FAM135A: variants seen among roughly 807,000 people sequenced by gnomAD.
FAM135A encodes the protein family with sequence similarity 135 member A.
FAM135A carries 79 observed loss-of-function variants against 146.8 expected under a neutral mutation model. The ratio of observed to expected loss-of-function variants is 0.54; its 90% CI spans 0.45 to 0.65. The LOEUF (loss-of-function observed/expected upper bound fraction) is 0.65, where lower values mean the gene tolerates loss of function less well. Among genes scored for constraint, FAM135A ranks in the 30% least tolerant of loss-of-function variants. FAM135A has a pLI of 0.00. For missense variants in FAM135A, 1,623 were observed against 1,758.2 expected (o/e 0.92, Z 1.38); for synonymous variants, 562 against 603.6 (o/e 0.93, Z 1.01).
At chr6:70,556,918 A>G (rs1269837334) in intron 21 of FAM135A, 55 bp downstream of exon 21, 3 of 1,434,522 alleles carry the variant, frequency 2.1e-6, no homozygotes, top group Non-Finnish European at 2.9e-6. Flanking sequence ...CTCTTTCCAA[A>G]ATTTTTCTTG....
chr6:70,474,223 T>C (rs1339474305), intron 5 of FAM135A, among the ~76,000 whole-genome samples: 1 of 152,196 alleles, frequency 6.6e-6, no homozygotes, highest in Non-Finnish European at 1.5e-5. Flanking sequence ...GAGTCTTATA[T>C]CCCATTTTGA....
intron 1 of FAM135A, 78 bp from the exon 2 acceptor site, chr6:70,415,213 A>G (rs570882700): frequency 6.6e-6 from 1 of 152,248 alleles, no homozygotes; most frequent in African/African-American, 2.4e-5. Context: ...TTCTCTTTCC[A>G]TAAATAATGG....
Position 70,555,007 on chromosome 6 carries a change from T to G in FAM135A, c.4229-1743T>G, listed in dbSNP as rs183261832. Among the ~76,000 whole-genome samples, 35 of 152,362 alleles carry G rather than the reference T, an allele frequency of 2.3e-4. No individual in the cohort carries two copies. The East Asian group carries it at 6.4e-3, about 28-fold the overall frequency. ...TAGCTCATTCAATTTATAGGAAATG[T>G]GTGCCATAAAATCCAATTGGCAAAG... is the stretch of plus-strand genomic sequence containing the variant. On this transcript the variant is annotated intron_variant, in intron 20 of 21. Coordinates refer to ENST00000418814, the MANE Select transcript of FAM135A (RefSeq NM_001162529.3).
intron 5 of FAM135A, among the ~76,000 whole-genome samples, chr6:70,474,495 G>C (rs1374839203): frequency 1.3e-5 from 2 of 152,040 alleles, no homozygotes; most frequent in Non-Finnish European, 2.9e-5. Context: ...ACAAATCTGG[G>C]GGTTCCCATT....
At chr6:70,526,954 T>C (rs1046376565) in intron 15 of FAM135A, among the ~76,000 whole-genome samples, 3 of 152,048 alleles carry the variant, frequency 2.0e-5, no homozygotes, top group Non-Finnish European at 4.4e-5. Context: ...AGTTGCTGAA[T>C]GATCGTGCTG....
intron 20 of FAM135A, among the ~76,000 whole-genome samples, chr6:70,555,680 A>G (rs1032014301): frequency 2.0e-5 from 3 of 152,214 alleles, no homozygotes; most frequent in Non-Finnish European, 4.4e-5. Context: ...TAGTACTGAT[A>G]ATGATGAAGA....
chr6:70,437,571 A>G (rs1392239705), intron 4 of FAM135A, among the ~76,000 whole-genome samples: 1 of 152,126 alleles, frequency 6.6e-6, no homozygotes, highest in African/African-American at 2.4e-5. Context: ...AGTTGTAGTG[A>G]CCCAAGTATT....
At chr6:70,514,868 G>A (rs923123728) in intron 12 of FAM135A, among the ~76,000 whole-genome samples, 2 of 152,158 alleles carry the variant, frequency 1.3e-5, no homozygotes, top group African/African-American at 4.8e-5. Flanking sequence ...CTTCCAGATG[G>A]TGGGGAGGGA....
chr6:70,553,858 A>G (rs1800315442), intron 20 of FAM135A, among the ~76,000 whole-genome samples: 1 of 152,228 alleles, frequency 6.6e-6, no homozygotes. Context: ...GGAGAAAGCA[A>G]CATGTACTAC....
chr6:70,453,305 C>G (rs1170184429), intron 5 of FAM135A, among the ~76,000 whole-genome samples: 3 of 152,152 alleles, frequency 2.0e-5, no homozygotes, highest in Non-Finnish European at 2.9e-5. Context: ...GAGCATAATT[C>G]AGTCCATTTT....
intron 4 of FAM135A, among the ~76,000 whole-genome samples, chr6:70,437,807 T>C (rs1773532913): frequency 6.6e-6 from 1 of 152,168 alleles, no homozygotes; most frequent in South Asian, 2.1e-4. Context: ...AAGTAAATGT[T>C]AGGCTCTTTG....
intron 5 of FAM135A, among the ~76,000 whole-genome samples, chr6:70,464,658 CT>C (rs754818109): frequency 4.0e-5 from 4 of 100,454 alleles, no homozygotes; most frequent in Non-Finnish European, 8.9e-5. Flanking sequence ...TTCTTTCTTT[CT>C]TTTTTTTCTT....
At chr6:70,465,179 G>A (rs1292864278) in intron 5 of FAM135A, among the ~76,000 whole-genome samples, 1 of 151,366 alleles carries the variant, frequency 6.6e-6, no homozygotes, top group Admixed American at 6.6e-5. Context: ...TGTCCTTAAG[G>A]TTTTTCCATG....
intron 12 of FAM135A, among the ~76,000 whole-genome samples, chr6:70,515,262 G>A (rs961952014): frequency 2.6e-5 from 4 of 152,224 alleles, no homozygotes; most frequent in South Asian, 2.1e-4. Flanking sequence ...ACACCGCTTG[G>A]TGTTTACCCA....
chr6:70,468,332 T>G (rs551580672), intron 5 of FAM135A, among the ~76,000 whole-genome samples: 1 of 152,292 alleles, frequency 6.6e-6, no homozygotes, highest in South Asian at 2.1e-4. Context: ...TACAGTACAT[T>G]TATCTACTTT....
intron 16 of FAM135A, among the ~76,000 whole-genome samples, chr6:70,530,053 GACT>G (rs1188591181): frequency 6.7e-6 from 1 of 150,204 alleles, no homozygotes; most frequent in African/African-American, 2.4e-5. Context: ...TACAGACTAA[GACT>G]ACGTCTCAAA....
chr6:70,452,478 T>A lies in FAM135A; in HGVS notation c.78-14T>A, dbSNP rs1777329900. ...ATATGTTTTGAAATAACTTCCTTGT[T>A]TATTTTGCTTTAGTTTTTACCAGAT... On this transcript the variant is annotated splice_polypyrimidine_tract_variant and intron_variant, in intron 4 of 21. Coordinates refer to ENST00000418814, the MANE Select transcript of FAM135A (RefSeq NM_001162529.3). 1 of 1,582,662 alleles carries A rather than the reference T, an allele frequency of 6.3e-7. No homozygotes were observed. The highest frequency in any genetic ancestry group is 1.4e-5 in the African/African-American group (1 of 73,492).
intron 1 of FAM135A, 62 bp from the exon 2 acceptor site, chr6:70,415,229 T>C (rs1193072659): frequency 6.6e-6 from 1 of 152,230 alleles, no homozygotes; most frequent in Admixed American, 6.5e-5. Flanking sequence ...AATGGTATAG[T>C]ATCTTATTTT....
chr6:70,498,554 T>G (rs1051363093), intron 11 of FAM135A, among the ~76,000 whole-genome samples: 3 of 151,850 alleles, frequency 2.0e-5, no homozygotes, highest in African/African-American at 7.3e-5. Context: ...TATAATTCTT[T>G]TAATTGTGAT....
Sources: gnomAD v4.1 joint callset for allele counts (sites outside exome capture counted in the v4.1 genomes callset) on GRCh38, gnomAD v4.1.1 for gene constraint, MANE v1.5 for transcripts, NCBI Gene and HGNC (gene_info 2026-07-23, HGNC 2026-07-21) for gene names.